PRKN: variants seen among roughly 807,000 people sequenced by gnomAD.
PRKN encodes the protein parkin RBR E3 ubiquitin protein ligase, also known as E3 ubiquitin-protein ligase parkin.
PRKN carries 56 observed loss-of-function variants against 59.5 expected under a neutral mutation model. That is an observed-to-expected ratio of 0.94 (90% CI 0.76 to 1.18). PRKN has a LOEUF of 1.18. Ranked by LOEUF, PRKN falls within the 50% of genes most tolerant of loss-of-function variation. PRKN has a pLI of 0.00. For synonymous variants in PRKN, 250 were observed against 222.1 expected, an observed-to-expected ratio of 1.13 and a Z score of -1.12; for missense variants, 657 against 596.4, an observed-to-expected ratio of 1.10 and a Z score of -1.06.
intron 6 of PRKN, among the ~76,000 whole-genome samples, chr6:161,810,891 G>A (rs1156276468): frequency 6.6e-6 from 1 of 152,138 alleles, no homozygotes; most frequent in Non-Finnish European, 1.5e-5. Context: ...GGAACTTGAG[G>A]AAGGCTTCCC....
chr6:162,656,110 C>A (rs1954912), intron 1 of PRKN, among the ~76,000 whole-genome samples: 1 of 152,262 alleles, frequency 6.6e-6, no homozygotes, highest in African/African-American at 2.4e-5. Context: ...CAAAGTAGAG[C>A]GTACATTTAC....
intron 4 of PRKN, among the ~76,000 whole-genome samples, chr6:162,170,772 A>G (rs1783234832): frequency 6.6e-6 from 1 of 152,180 alleles, no homozygotes; most frequent in East Asian, 1.9e-4. Context: ...CAGGACCGAA[A>G]GAAGGAAGGA....
At chr6:161,434,639 T>C (rs1246923994) in intron 9 of PRKN, among the ~76,000 whole-genome samples, 2 of 152,114 alleles carry the variant, frequency 1.3e-5, no homozygotes, top group African/African-American at 4.8e-5. Context: ...AGTCATATCA[T>C]CTCCTGGAGC....
chr6:162,356,472 C>T (rs1450520791), intron 2 of PRKN, among the ~76,000 whole-genome samples: 1 of 151,836 alleles, frequency 6.6e-6, no homozygotes, highest in Non-Finnish European at 1.5e-5. Flanking sequence ...GTAAGGTGGC[C>T]ACATGGGCCC....
At chr6:162,328,417 C>T (rs923916817) in intron 2 of PRKN, among the ~76,000 whole-genome samples, 3 of 152,164 alleles carry the variant, frequency 2.0e-5, no homozygotes, top group Non-Finnish European at 2.9e-5. Context: ...AGAAGCCCTG[C>T]TTGTTCTGTG....
At chr6:162,588,885 G>T (rs368001728) in intron 1 of PRKN, among the ~76,000 whole-genome samples, 17 of 152,226 alleles carry the variant, frequency 1.1e-4, no homozygotes, top group South Asian at 1.0e-3. Context: ...AACGTACAGT[G>T]CCATAAAGAA....
intron 1 of PRKN, among the ~76,000 whole-genome samples, chr6:162,533,455 G>C (rs1778593103): frequency 6.6e-6 from 1 of 152,150 alleles, no homozygotes; most frequent in South Asian, 2.1e-4. Context: ...TTGAACCCAG[G>C]AGGTGGAGGT....
chr6:162,320,013 T>C (rs1179911589), intron 2 of PRKN, among the ~76,000 whole-genome samples: 4 of 151,900 alleles, frequency 2.6e-5, no homozygotes, highest in Non-Finnish European at 1.5e-5. Context: ...ACACTCCATG[T>C]CCATGTGTAC....
intron 5 of PRKN, among the ~76,000 whole-genome samples, chr6:161,975,860 G>T (rs1347494918): frequency 6.6e-6 from 1 of 152,146 alleles, no homozygotes. Flanking sequence ...TGAAAATAAT[G>T]CTACATCTTA....
chr6:162,427,005 AT>A (rs1789269137), intron 2 of PRKN, among the ~76,000 whole-genome samples: 1 of 152,236 alleles, frequency 6.6e-6, no homozygotes, highest in African/African-American at 2.4e-5. Context: ...AATAATTCAC[AT>A]TTTAAAACCA....
rs187901149 is a variant in PRKN at position 161,901,601 on chromosome 6, C to T, written c.734+71701G>A. Among the ~76,000 whole-genome samples, 1,044 of 152,314 alleles carry T rather than the reference C, an allele frequency of 6.9e-3. 11 individuals are homozygous for T. Among genetic ancestry groups the T allele is most frequent in the Non-Finnish European group, 0.011 (734 of 68,036 alleles). On this transcript the variant is annotated intron_variant, in intron 6 of 11. Coordinates refer to ENST00000366898, the MANE Select transcript of PRKN (RefSeq NM_004562.3). ...AATGTGGAATTTTTGGTCTGGCATA[C>T]AGAAACAACGGCATTCAGACAACAG...
intron 6 of PRKN, among the ~76,000 whole-genome samples, chr6:161,850,574 C>CA (rs10651778): frequency 0.084 from 7,420 of 87,944 alleles, 655 homozygotes; most frequent in African/African-American, 0.18. Context: ...GACTACGTCT[C>CA]AAAAAAAAAA....
intron 4 of PRKN, among the ~76,000 whole-genome samples, chr6:162,078,070 T>G (rs565501126): frequency 1.3e-5 from 2 of 151,990 alleles, no homozygotes; most frequent in East Asian, 1.9e-4. Flanking sequence ...TTCAACTGAT[T>G]ATAGCATATG....
At chr6:161,620,957 T>C (rs1206878508) in intron 7 of PRKN, among the ~76,000 whole-genome samples, 1 of 152,168 alleles carries the variant, frequency 6.6e-6, no homozygotes, top group Middle Eastern at 3.2e-3. Flanking sequence ...ATAGGCTGTA[T>C]AATTCCGATG....
intron 1 of PRKN, among the ~76,000 whole-genome samples, chr6:162,493,085 T>A (rs1792893584): frequency 6.6e-6 from 1 of 151,896 alleles, no homozygotes; most frequent in Admixed American, 6.6e-5. Flanking sequence ...TCTTCCAGAG[T>A]TTTTTGTTTT....
intron 4 of PRKN, among the ~76,000 whole-genome samples, chr6:162,060,379 T>G (rs542285365): frequency 1.3e-5 from 2 of 152,354 alleles, no homozygotes; most frequent in South Asian, 4.1e-4. Flanking sequence ...ATTTGAGGAC[T>G]GGTCCTGACT....
chr6:162,558,076 C>G (rs1056083361), intron 1 of PRKN, among the ~76,000 whole-genome samples: 2 of 152,172 alleles, frequency 1.3e-5, no homozygotes, highest in Non-Finnish European at 2.9e-5. Context: ...GTATCTATAT[C>G]TCTCCTTTTA....
intron 6 of PRKN, among the ~76,000 whole-genome samples, chr6:161,887,805 T>C (rs1795209552): frequency 6.6e-6 from 1 of 152,188 alleles, no homozygotes; most frequent in African/African-American, 2.4e-5. Flanking sequence ...AAAACAGTTA[T>C]TTTGTCCCAT....
At chr6:161,698,538 GAAC>G (rs903502755) in intron 7 of PRKN, among the ~76,000 whole-genome samples, 6 of 152,106 alleles carry the variant, frequency 3.9e-5, no homozygotes, top group Admixed American at 6.6e-5. Flanking sequence ...GGACAAATCT[GAAC>G]AACTAACACT....
Sources: allele counts gnomAD v4.1 joint callset (sites outside exome capture counted in the v4.1 genomes callset), GRCh38; gene constraint gnomAD v4.1.1; transcripts MANE v1.5; gene names NCBI Gene and HGNC (gene_info 2026-07-23, HGNC 2026-07-21).